CTSF: variants seen among roughly 807,000 people sequenced by gnomAD.
The protein encoded by CTSF is cathepsin F.
A neutral mutation model predicts 63.5 loss-of-function variants in CTSF; 65 were observed. That is an observed-to-expected ratio of 1.02 (90% CI 0.84 to 1.26). The LOEUF is 1.26. Among genes scored for constraint, CTSF ranks in the 50% most tolerant of loss-of-function variants. The probability of loss-of-function intolerance (pLI) is 0.00; values close to 1 mark genes in which losing one functional copy is unlikely to be tolerated. For missense variants in CTSF, 641 were observed against 631.0 expected, an observed-to-expected ratio of 1.02 and a Z score of -0.17; for synonymous variants, 256 against 258.1, an observed-to-expected ratio of 0.99 and a Z score of 0.08.
rs780124294 is a variant in CTSF at position 66,566,102 on chromosome 11, G to C, written c.787C>G (p.Gln263Glu). The C allele has an allele frequency of 4.3e-6, 7 of 1,614,158 alleles. No homozygotes were observed. Among genetic ancestry groups the C allele is most frequent in the Non-Finnish European group, 5.1e-6 (6 of 1,180,026 alleles). The change falls in exon 6 of 13, where the codon CAA (glutamine) becomes GAA (glutamate). Residue 263 changes from glutamine to glutamate, a missense_variant. Gln to Glu is a conservative substitution (Grantham distance 29). Transcript: ENST00000310325. ...GCGAGGTCACCCACAGACTTGGCTT[G>C]CTTCATCTTGTTGCCAGGCTCTTTC... ...LRKEPGNKMK[Q>E]AKSVGDLAPP...
chr11:66,565,683 T>TGC lies in CTSF; in HGVS notation c.1032_1033insGC (p.Ile345AlafsTer2), dbSNP rs763792720. On this transcript the variant is annotated frameshift_variant, in exon 8 of 13. Coordinates refer to ENST00000310325, the MANE Select transcript of CTSF (RefSeq NM_003793.4). LOFTEE classifies it high-confidence loss of function. ...CATTAATGCATACCCAAATTCTTTATGGCCGAGTAGGCATTGGAGGGCAAG... is the reference window on the plus strand; with the variant it reads ...CATTAATGCATACCCAAATTCTTTATGCGGCCGAGTAGGCATTGGAGGGCAAG... 1 of 1,613,560 alleles carries TGC rather than the reference T, an allele frequency of 6.2e-7. No individual in the cohort carries two copies. Among genetic ancestry groups the TGC allele is most frequent in the South Asian group, 1.1e-5 (1 of 91,084 alleles).
rs1368645186 is a variant in CTSF, at chr11:66,568,539, G to A, written c.-53C>T. On this transcript the variant is annotated 5_prime_UTR_variant, in exon 1 of 13. Transcript: ENST00000310325. ...CCAACAGACGCTCCACCGACCCACCGGGTACCGAGCCCGCGGCCAGCGGGG... is the reference window on the plus strand; with the variant it reads ...CCAACAGACGCTCCACCGACCCACCAGGTACCGAGCCCGCGGCCAGCGGGG... 22 of 1,466,996 alleles carry A rather than the reference G, an allele frequency of 1.5e-5. No homozygotes were observed. The highest frequency in any genetic ancestry group is 5.9e-5 in the African/African-American group (4 of 67,454). 90.9% of individuals were successfully genotyped at this position (1,466,996 alleles called of 1,614,324 possible).
Position 66,565,147 on chromosome 11 carries a change from C to T in CTSF, c.1046-141G>A, listed in dbSNP as rs538626025. 7.2e-6 allele frequency: 10 copies of T among 1,393,690 alleles called. No homozygotes were observed. In the East Asian group the frequency reaches 2.1e-4, roughly 30 times the overall value. The allele number at this position is 1,393,690 out of a possible 1,614,324, so 86.3% of individuals were successfully genotyped here. A position where few individuals can be genotyped will look rare whatever the true frequency, so the allele number is the denominator to read the frequency against. ...GGCCATCCCCTCTGAAGAATGTCTTCATTCTAGAAATGACACATCTGAGGC... is the reference window on the plus strand; with the variant it reads ...GGCCATCCCCTCTGAAGAATGTCTTTATTCTAGAAATGACACATCTGAGGC... On this transcript the variant is annotated intron_variant, in intron 8 of 12. Coordinates refer to ENST00000310325, the MANE Select transcript of CTSF (RefSeq NM_003793.4).
Position 66,564,652 on chromosome 11 carries a change from G to A in CTSF, c.1231-4C>T, listed in dbSNP as rs1448881876. The A allele has an allele frequency of 6.2e-7, 1 of 1,612,070 alleles. No individual in the cohort carries two copies. The highest frequency in any genetic ancestry group is 8.5e-7 in the Non-Finnish European group (1 of 1,179,122). ...GGGAGATCCCGTGGCGGTAAAACTG[G>A]AGGTGGAGAAGGAGTAGGGGATCGA... On this transcript the variant is annotated splice_region_variant and splice_polypyrimidine_tract_variant and intron_variant, in intron 10 of 12. Coordinates refer to ENST00000310325, the MANE Select transcript of CTSF (RefSeq NM_003793.4).
intron 7 of CTSF, 22 bp downstream of exon 7, chr11:66,565,809 A>G: frequency 1.2e-6 from 2 of 1,613,882 alleles, no homozygotes; most frequent in Non-Finnish European, 1.7e-6. Flanking sequence ...CTGGGGACAG[A>G]GGAGTAGAGC....
At chr11:66,568,168 C>T (rs1027878871) in intron 1 of CTSF, 86 bp from the exon 2 acceptor site, 2 of 1,551,290 alleles carry the variant, frequency 1.3e-6, no homozygotes, top group Non-Finnish European at 1.7e-6. Flanking sequence ...CATTCCCCAT[C>T]ACCAGAGATC....
intron 8 of CTSF, 73 bp from the exon 9 acceptor site, chr11:66,565,079 C>A: frequency 1.3e-6 from 2 of 1,507,684 alleles, no homozygotes; most frequent in Non-Finnish European, 1.8e-6. Flanking sequence ...TGAACTAAGC[C>A]CTCTACGCGA....
In CTSF at chr11:66,565,945, A is replaced by G; in HGVS notation, c.868-18T>C. On this transcript the variant is annotated intron_variant, in intron 6 of 12. Transcript: ENST00000310325. ...CACATGCCCTACAAGAGATGGGTGG[A>G]GTTGGAGTCAGAGCCGGGCCCCTTC... 3 of 1,614,106 alleles carry G rather than the reference A, an allele frequency of 1.9e-6. No homozygotes were observed. The South Asian group carries it at 3.3e-5, about 18-fold the overall frequency.
rs139027846 is a variant in CTSF, at chr11:66,564,769, G to A, written c.1203C>T (p.Ser401=). The A allele has an allele frequency of 1.6e-4, 251 of 1,614,046 alleles. No homozygotes were observed. The highest frequency in any genetic ancestry group is 1.8e-4 in the Non-Finnish European group (212 of 1,180,016). Reference sequence around the variant, plus strand: ...GCATGCCAAAGGCATTGATGGCCACGGAGATTGGGCCTCTCTTGGCCAGCC... The same window carrying A: ...GCATGCCAAAGGCATTGATGGCCACAGAGATTGGGCCTCTCTTGGCCAGCC... ...AAWLAKRGPI[S]VAINAFGMQF... is the part of the protein sequence containing the mutation. Residue 401 remains serine, a synonymous_variant, in exon 10 of 13, where the codon TCC becomes TCT. Coordinates refer to ENST00000310325, the MANE Select transcript of CTSF (RefSeq NM_003793.4).
intron 11 of CTSF, 167 bp from the exon 12 acceptor site, chr11:66,564,313 G>C: frequency 1.1e-6 from 1 of 940,948 alleles, no homozygotes; most frequent in East Asian, 2.6e-5. Context: ...GAAGCCCTGG[G>C]GCAGGGAGGA....
At chr11:66,566,669 C>CA (rs1425010634) in intron 4 of CTSF, among the ~76,000 whole-genome samples, 1 of 151,742 alleles carries the variant, frequency 6.6e-6, no homozygotes, top group Non-Finnish European at 1.5e-5. Flanking sequence ...CTCTCCAGCA[C>CA]AAAAAATCCA....
In CTSF at chr11:66,564,912, G is replaced by C. The variant is rs143674429; in HGVS notation, c.1140C>G (p.Ser380=). The change falls in exon 9 of 13, where the codon TCC becomes TCG. Residue 380 remains serine (S), a synonymous_variant. Transcript: ENST00000310325. ...TCTGCTCGTTCTGGCTCAGCTCCAC[G>C]GAGTCATTGATGTAGACCTTGGCCT... ...AEKAKVYIND[S]VELSQNEQKL... 4.8e-5 allele frequency: 77 copies of C among 1,610,804 alleles called. No individual in the cohort carries two copies. In the African/African-American group the frequency reaches 9.7e-4, roughly 20 times the overall value.
At position 66,563,465 on chromosome 11, in the gene CTSF, C is replaced by T. The variant is rs752322680; in HGVS notation, c.*468G>A. The T allele has an allele frequency of 1.6e-4, 76 of 475,234 alleles. 1 individual carries two copies. The highest frequency in any genetic ancestry group is 1.1e-3 in the South Asian group (25 of 23,648). 29.4% of individuals were successfully genotyped at this position (475,234 alleles called of 1,614,324 possible). ...GGGGACTGAGCATTTATACCACACT[C>T]GGGACAAGGACACCTCTTTATTGCT... On this transcript the variant is annotated 3_prime_UTR_variant, in exon 13 of 13. Transcript: ENST00000310325.
chr11:66,567,260 T>A lies in CTSF; in HGVS notation c.593A>T (p.Tyr198Phe). The change falls in exon 4 of 13, where the codon TAT becomes TTT. Residue 198 changes from tyrosine (Y) to phenylalanine (F), a missense_variant. Tyr to Phe is a conservative substitution (Grantham distance 22, BLOSUM62 3). Coordinates refer to ENST00000310325, the MANE Select transcript of CTSF (RefSeq NM_003793.4). ...TGGGTCCTCACCTTCCTTTGACTCA[T>A]ATGTCCGGTTATAGGTAATGACAAA... is the stretch of plus-strand genomic sequence containing the variant. The part of the protein sequence containing the change: ...KNFVITYNRT[Y>F]ESKEEARWRL... 1.2e-6 allele frequency: 2 copies of A among 1,614,164 alleles called. No individual in the cohort carries two copies. Among genetic ancestry groups the A allele is most frequent in the Non-Finnish European group, 1.7e-6 (2 of 1,180,036 alleles).
intron 6 of CTSF, 39 bp downstream of exon 6, chr11:66,565,983 G>GC (rs1225747191): frequency 6.2e-7 from 1 of 1,614,076 alleles, no homozygotes; most frequent in Non-Finnish European, 8.5e-7. Context: ...CAGCCCCAGT[G>GC]CAGTGCCCAT....
Position 66,563,831 on chromosome 11 carries a change from T to TCCCTCTGCCAGCTGTACCTCC in CTSF, c.*81_*101dup. 1 of 1,450,344 alleles carries TCCCTCTGCCAGCTGTACCTCC rather than the reference T, an allele frequency of 6.9e-7. No homozygotes were observed. The highest frequency in any genetic ancestry group is 9.4e-7 in the Non-Finnish European group (1 of 1,059,738). The allele number at this position is 1,450,344 out of a possible 1,614,324, so 89.8% of individuals were successfully genotyped here. A position where few individuals can be genotyped will look rare whatever the true frequency, so the allele number is the denominator to read the frequency against. ...CTCACCCTGAGGTACCCAGTGCCTT[T>TCCCTCTGCCAGCTGTACCTCC]CCCTCTGCCAGCTGTACCTCCCGGG... On this transcript the variant is annotated 3_prime_UTR_variant, in exon 13 of 13. Coordinates refer to ENST00000310325, the MANE Select transcript of CTSF (RefSeq NM_003793.4).
Position 66,568,363 on chromosome 11 carries a change from G to C in CTSF, c.124C>G (p.Pro42Ala). The C allele has an allele frequency of 7.7e-7, 1 of 1,303,368 alleles. No homozygotes were observed. Among genetic ancestry groups the C allele is most frequent in the Non-Finnish European group, 9.7e-7 (1 of 1,034,274 alleles). The allele number at this position is 1,303,368 out of a possible 1,614,324, so 80.7% of individuals were successfully genotyped here. A position where few individuals can be genotyped will look rare whatever the true frequency, so the allele number is the denominator to read the frequency against. Residue 42 changes from proline to alanine, a missense_variant, in exon 1 of 13, where the codon CCC becomes GCC. Pro to Ala is a conservative substitution (Grantham distance 27, BLOSUM62 -1). Transcript: ENST00000310325. The stretch of plus-strand genomic sequence containing the variant: ...AACATCTCCAGCGCGAAGCGGGTGG[G>C]CGCCAGCAGCTCCGGGGACGGCGGC... ...WGPPSPELLA[P>A]TRFALEMFNR...
Position 66,566,357 on chromosome 11 carries a change from G to C in CTSF, c.655C>G (p.Gln219Glu), listed in dbSNP as rs1393870149. Residue 219 changes from glutamine to glutamate, a missense_variant, in exon 5 of 13, where the codon CAG becomes GAG. By Grantham distance (29) the Gln-to-Glu change is conservative. Transcript: ENST00000310325. ...CCACGGTCCAGGGCCTGGATCTTCT[G>C]TGCTCGCACCATGTTATTGACAAAG... Reference protein sequence around the residue: ...SVFVNNMVRAQKIQALDRGTA... With the variant: ...SVFVNNMVRAEKIQALDRGTA... 3 of 1,614,154 alleles carry C rather than the reference G, an allele frequency of 1.9e-6. No homozygotes were observed. Among genetic ancestry groups the C allele is most frequent in the South Asian group, 2.2e-5 (2 of 91,078 alleles).
At chr11:66,566,657 G>A (rs543662734) in intron 4 of CTSF, among the ~76,000 whole-genome samples, 2 of 152,028 alleles carry the variant, frequency 1.3e-5, no homozygotes, top group Admixed American at 1.3e-4. Flanking sequence ...TGTTGTCAAG[G>A]ACTCTCCAGC....
Sources: allele counts gnomAD v4.1 joint callset (sites outside exome capture counted in the v4.1 genomes callset), GRCh38; gene constraint gnomAD v4.1.1; transcripts MANE v1.5; gene names NCBI Gene and HGNC (gene_info 2026-07-23, HGNC 2026-07-21).